TTC33: variants seen among roughly 807,000 people sequenced by gnomAD.
The protein encoded by TTC33 is tetratricopeptide repeat domain 33.
A neutral mutation model predicts 29.4 loss-of-function variants in TTC33; 24 were observed. That is an observed-to-expected ratio of 0.82 (90% CI 0.59 to 1.15). TTC33 has a LOEUF of 1.15. TTC33 is among the 50% of genes most tolerant of loss of function. The probability of loss-of-function intolerance (pLI) is 0.00; values close to 1 mark genes in which losing one functional copy is unlikely to be tolerated. For missense variants in TTC33, 286 were observed against 310.4 expected (o/e 0.92, Z 0.59); for synonymous variants, 107 against 100.3 (o/e 1.07, Z -0.40).
In TTC33 at chr5:40,724,852, GA is replaced by G. The variant is rs148174699; in HGVS notation, c.435+3492del. ...TAACTAAACTAAAAATTTACAAGTGGATTTTTTTTTTTTTTTTTGAGATGGA... is the reference window on the plus strand; with the variant it reads ...TAACTAAACTAAAAATTTACAAGTGGTTTTTTTTTTTTTTTTTGAGATGGA... On this transcript the variant is annotated intron_variant, in intron 4 of 4. Coordinates refer to ENST00000337702, the MANE Select transcript of TTC33 (RefSeq NM_012382.3). Among the ~76,000 whole-genome samples the G allele has an allele frequency of 3.7e-5, 5 of 133,670 alleles. No homozygotes were observed. In the East Asian group the frequency reaches 1.0e-3, roughly 28 times the overall value. 87.7% of individuals were successfully genotyped at this position (133,670 alleles called of 152,430 possible).
At chr5:40,750,299 T>G (rs1742871441) in intron 1 of TTC33, among the ~76,000 whole-genome samples, 1 of 150,156 alleles carries the variant, frequency 6.7e-6, no homozygotes, top group Non-Finnish European at 1.5e-5. Context: ...GTCAGGCATG[T>G]TGGCTCACGC....
intron 2 of TTC33, among the ~76,000 whole-genome samples, chr5:40,736,342 A>G (rs967966572): frequency 4.6e-5 from 7 of 152,234 alleles, no homozygotes; most frequent in African/African-American, 2.4e-5. Context: ...ATCACCCTCA[A>G]ATTTACATTA....
Position 40,755,925 on chromosome 5 carries a change from T to C in TTC33, c.-103A>G, listed in dbSNP as rs1479121734. The C allele has an allele frequency of 2.6e-5, 4 of 152,354 alleles. No homozygotes were observed. Among genetic ancestry groups the C allele is most frequent in the Non-Finnish European group, 5.9e-5 (4 of 68,108 alleles). 9.4% of individuals were successfully genotyped at this position (152,354 alleles called of 1,614,324 possible). A position where few individuals can be genotyped will look rare whatever the true frequency, so the allele number is the denominator to read the frequency against. Reference sequence around the variant, plus strand: ...GGGCAAAGGAAAGACGACTCAGTCTTTCCCCTCCGCCAATCTCTTCTCCGG... The same window carrying C: ...GGGCAAAGGAAAGACGACTCAGTCTCTCCCCTCCGCCAATCTCTTCTCCGG... On this transcript the variant is annotated 5_prime_UTR_variant, in exon 1 of 5. Transcript: ENST00000337702.
chr5:40,715,478 T>C lies in TTC33; in HGVS notation c.*667A>G, dbSNP rs1451188475. On this transcript the variant is annotated 3_prime_UTR_variant, in exon 5 of 5. Transcript: ENST00000337702. ...AAACCATCATTCTCATATTTATCAA[T>C]ACTTTACACTTTTACCAAATACTGA... 1 of 152,326 alleles carries C rather than the reference T, an allele frequency of 6.6e-6. No homozygotes were observed. Among genetic ancestry groups the C allele is most frequent in the Non-Finnish European group, 1.5e-5 (1 of 67,996 alleles). 9.4% of individuals were successfully genotyped at this position (152,326 alleles called of 1,614,324 possible).
Position 40,713,095 on chromosome 5 carries a change from TAAGG to T in TTC33, c.*3046_*3049del, listed in dbSNP as rs1351677632. Among the ~76,000 whole-genome samples the T allele has an allele frequency of 1.3e-5, 2 of 152,066 alleles. No homozygotes were observed. Among genetic ancestry groups the T allele is most frequent in the Non-Finnish European group, 2.9e-5 (2 of 67,982 alleles). On this transcript the variant is annotated 3_prime_UTR_variant, in exon 5 of 5. Transcript: ENST00000337702. ...AATACATCAGTTTAATAATAATCTC[TAAGG>T]AAGAAAAAAACACATTTAAGATATC...
intron 2 of TTC33, among the ~76,000 whole-genome samples, chr5:40,733,209 C>T (rs1489098419): frequency 6.6e-6 from 1 of 152,032 alleles, no homozygotes; most frequent in South Asian, 2.1e-4. Flanking sequence ...GCAGAGGGAC[C>T]TTAAGAACCT....
chr5:40,740,126 T>C (rs904286416), intron 2 of TTC33, among the ~76,000 whole-genome samples: 2 of 152,144 alleles, frequency 1.3e-5, no homozygotes, highest in Non-Finnish European at 2.9e-5. Context: ...TATTTACTTC[T>C]ATATAACTTT....
rs903139760 is a variant in TTC33 at position 40,711,998 on chromosome 5, A to T, written c.*4147T>A. 3.9e-5 allele frequency among the ~76,000 whole-genome samples: 6 copies of T among 152,134 alleles called. No individual in the cohort carries two copies. Among genetic ancestry groups the T allele is most frequent in the African/African-American group, 1.4e-4 (6 of 41,436 alleles). On this transcript the variant is annotated 3_prime_UTR_variant, in exon 5 of 5. Transcript: ENST00000337702. ...CTATATCAGGATGGTAGTGGTGGTG[A>T]AGTGGGTGTTTACATTTGTCAAAAC... is the stretch of plus-strand genomic sequence containing the variant.
At chr5:40,739,364 A>G (rs1399687685) in intron 2 of TTC33, among the ~76,000 whole-genome samples, 4 of 152,204 alleles carry the variant, frequency 2.6e-5, no homozygotes, top group Admixed American at 1.3e-4. Flanking sequence ...TATTAACAAA[A>G]TACTATCTTC....
At chr5:40,750,896 C>T (rs1368203837) in intron 1 of TTC33, among the ~76,000 whole-genome samples, 1 of 152,204 alleles carries the variant, frequency 6.6e-6, no homozygotes, top group African/African-American at 2.4e-5. Flanking sequence ...AATTCAGTCA[C>T]ATCTTCAGGC....
At chr5:40,749,806 CT>C in intron 1 of TTC33, among the ~76,000 whole-genome samples, 1 of 152,134 alleles carries the variant, frequency 6.6e-6, no homozygotes, top group Admixed American at 6.5e-5. Context: ...ATGTACATGC[CT>C]TGCTAGGTGC....
At chr5:40,741,938 G>A (rs568198527) in intron 2 of TTC33, among the ~76,000 whole-genome samples, 4 of 152,158 alleles carry the variant, frequency 2.6e-5, no homozygotes, top group South Asian at 2.1e-4. Context: ...ACAGTGAGCC[G>A]AGATCATGCC....
chr5:40,752,258 C>T (rs1742910348), intron 1 of TTC33, among the ~76,000 whole-genome samples: 1 of 152,184 alleles, frequency 6.6e-6, no homozygotes, highest in Admixed American at 6.5e-5. Context: ...TTCAAAGCTT[C>T]TCCATATTAG....
At chr5:40,725,447 C>A (rs1742258025) in intron 4 of TTC33, among the ~76,000 whole-genome samples, 1 of 152,130 alleles carries the variant, frequency 6.6e-6, no homozygotes, top group Admixed American at 6.5e-5. Flanking sequence ...AATATTAAAA[C>A]CAATGGCTAA....
At chr5:40,727,620 A>G (rs1742317452) in intron 4 of TTC33, among the ~76,000 whole-genome samples, 1 of 152,134 alleles carries the variant, frequency 6.6e-6, no homozygotes, top group African/African-American at 2.4e-5. Context: ...TTACCCTCCC[A>G]TATTCTACTG....
intron 4 of TTC33, among the ~76,000 whole-genome samples, chr5:40,722,906 C>T (rs1344298079): frequency 7.9e-5 from 12 of 152,008 alleles, no homozygotes; most frequent in Admixed American, 3.3e-4. Context: ...TGAGGAGCCC[C>T]TCTGCCCAGC....
Position 40,725,931 on chromosome 5 carries a change from G to A in TTC33, c.435+2414C>T, listed in dbSNP as rs1413234228. On this transcript the variant is annotated intron_variant, in intron 4 of 4. Transcript: ENST00000337702. ...CTCCCGAGCAGCTGGGACTACAGGC[G>A]CCCGCCACCACGTCCAGCTAATTTT... 2.6e-5 allele frequency among the ~76,000 whole-genome samples: 4 copies of A among 151,488 alleles called. No homozygotes were observed. In the East Asian group the frequency reaches 5.8e-4, roughly 22 times the overall value.
intron 2 of TTC33, among the ~76,000 whole-genome samples, chr5:40,740,034 G>T (rs1018220147): frequency 6.6e-6 from 1 of 151,642 alleles, no homozygotes; most frequent in Non-Finnish European, 1.5e-5. Context: ...TTTCTCTAGG[G>T]TCTAGGTTTG....
rs146123522 is a variant in TTC33 at position 40,712,831 on chromosome 5, T to C, written c.*3314A>G. ...GAAGCCATCCTTACCCGCCGCTGCC[T>C]TCTGACCAAAGTAGTTCATATATAG... On this transcript the variant is annotated 3_prime_UTR_variant, in exon 5 of 5. Transcript: ENST00000337702. 1.1e-4 allele frequency among the ~76,000 whole-genome samples: 17 copies of C among 152,290 alleles called. No homozygotes were observed. The highest frequency in any genetic ancestry group is 3.8e-4 in the African/African-American group (16 of 41,566).
Sources: gnomAD v4.1 joint callset for allele counts (sites outside exome capture counted in the v4.1 genomes callset) on GRCh38, gnomAD v4.1.1 for gene constraint, MANE v1.5 for transcripts, NCBI Gene and HGNC (gene_info 2026-07-23, HGNC 2026-07-21) for gene names.